The following COL17A1 variants were observed in gnomAD, a reference collection of about 807,000 sequenced individuals.
COL17A1 encodes the protein collagen alpha-1(XVII) chain.
COL17A1 carries 181 observed loss-of-function variants against 218.4 expected under a neutral mutation model. That is an observed-to-expected ratio of 0.83 (90% CI 0.73 to 0.94). The LOEUF (loss-of-function observed/expected upper bound fraction) is 0.94, where lower values mean the gene tolerates loss of function less well. Among genes scored for constraint, COL17A1 ranks in the 40% least tolerant of loss-of-function variants. The probability of loss-of-function intolerance (pLI) is 0.00; values close to 1 mark genes in which losing one functional copy is unlikely to be tolerated. For missense variants in COL17A1, 1,924 were observed against 1,945.9 expected, an observed-to-expected ratio of 0.99 and a Z score of 0.21; for synonymous variants, 721 against 731.0, an observed-to-expected ratio of 0.99 and a Z score of 0.22.
chr10:104,048,213 C>T (rs1164907922), intron 29 of COL17A1, 109 bp from the exon 30 acceptor site: 13 of 1,137,844 alleles, frequency 1.1e-5, no homozygotes, highest in Non-Finnish European at 1.7e-5. Context: ...GGAGCCCACG[C>T]AGCCATCAGC....
In COL17A1 at chr10:104,035,337, G is replaced by A. The variant is rs375511597; in HGVS notation, c.3545C>T (p.Pro1182Leu). Residue 1182 changes from proline to leucine, a missense_variant, in exon 50 of 56, where the codon CCC becomes CTC. Coordinates refer to ENST00000648076, the MANE Select transcript of COL17A1 (RefSeq NM_000494.4). ...GCCTGGGATCCCTGGTGGACCCGGG[G>A]GACCTGGGGGTCCAACGATGCCTCT... Reference protein sequence around the residue: ...EFRGIVGPPGPPGPPGIPGNV... With the variant: ...EFRGIVGPPGLPGPPGIPGNV... 9 of 1,614,102 alleles carry A rather than the reference G, an allele frequency of 5.6e-6. No homozygotes were observed. The highest frequency in any genetic ancestry group is 1.3e-5 in the African/African-American group (1 of 74,946).
intron 48 of COL17A1, among the ~76,000 whole-genome samples, chr10:104,036,077 AGTGTGTATGG>A (rs2086288837): frequency 2.2e-5 from 1 of 44,716 alleles, no homozygotes; most frequent in Non-Finnish European, 4.2e-5. Flanking sequence ...TGTGTATGGG[AGTGTGTATGG>A]GAGTGTGTGT....
chr10:104,038,352 G>T, intron 45 of COL17A1, 54 bp downstream of exon 45: 1 of 1,611,464 alleles, frequency 6.2e-7, no homozygotes. Flanking sequence ...CCCTTGCAAA[G>T]AGACTGTATC....
Position 104,036,480 on chromosome 10 carries a change from G to T in COL17A1, c.3418+12C>A. The T allele has an allele frequency of 6.2e-7, 1 of 1,613,774 alleles. No individual in the cohort carries two copies. On this transcript the variant is annotated intron_variant, in intron 48 of 55. Coordinates refer to ENST00000648076, the MANE Select transcript of COL17A1 (RefSeq NM_000494.4). ...CAGGCCCTTCCCAACCACCCCTCCT[G>T]CAGACACTTACTCGACATGTAGCTG... is the stretch of plus-strand genomic sequence containing the variant.
intron 35 of COL17A1, 152 bp from the exon 36 acceptor site, chr10:104,042,607 C>T (rs776889189): frequency 5.9e-5 from 46 of 783,350 alleles, no homozygotes; most frequent in Middle Eastern, 4.4e-4. Context: ...ATCAGCCCTG[C>T]GGTCCAGTTG....
chr10:104,042,313 A>C, intron 36 of COL17A1, 107 bp downstream of exon 36: 1 of 1,280,400 alleles, frequency 7.8e-7, no homozygotes, highest in East Asian at 2.4e-5. Context: ...TCCTTTTCCA[A>C]AACACACCTT....
chr10:104,032,932 C>T lies in COL17A1; in HGVS notation c.4331G>A (p.Gly1444Glu), dbSNP rs747206838. 2 of 1,614,130 alleles carry T rather than the reference C, an allele frequency of 1.2e-6. No homozygotes were observed. Among genetic ancestry groups the T allele is most frequent in the Non-Finnish European group, 1.7e-6 (2 of 1,180,012 alleles). ...TTTGGGTCCTGGAGTGCCCATCTCT[C>T]CTTTTTGCCCAGGGGGTCCTTGAAT... ...GAIQGPPGQK[G>E]EMGTPGPKGD... is the part of the protein sequence containing the mutation. The change falls in exon 54 of 56, where the codon GGA (glycine) becomes GAA (glutamate). Residue 1444 changes from glycine (G) to glutamate (E), a missense_variant. By Grantham distance (98) the Gly-to-Glu change is moderately conservative. Transcript: ENST00000648076.
intron 9 of COL17A1, among the ~76,000 whole-genome samples, chr10:104,068,723 C>A (rs805713): frequency 0.92 from 140,378 of 152,272 alleles, 65,344 homozygotes; most frequent in Non-Finnish European, 1. Flanking sequence ...TAGCCATAGG[C>A]AAAACTATAG....
At chr10:104,075,104 A>G (rs1444262478) in intron 5 of COL17A1, among the ~76,000 whole-genome samples, 2 of 151,568 alleles carry the variant, frequency 1.3e-5, no homozygotes, top group African/African-American at 4.9e-5. Context: ...CTTTCTCCTT[A>G]TTCCCTCCGC....
intron 44 of COL17A1, among the ~76,000 whole-genome samples, 184 bp downstream of exon 44, chr10:104,038,886 TC>T (rs1349795813): frequency 1.3e-5 from 2 of 152,086 alleles, no homozygotes; most frequent in Non-Finnish European, 2.9e-5. Flanking sequence ...CCTGGGTCCT[TC>T]CCCTCAACCC....
intron 46 of COL17A1, 69 bp from the exon 47 acceptor site, chr10:104,037,182 T>C: frequency 7.1e-7 from 1 of 1,415,134 alleles, no homozygotes; most frequent in Non-Finnish European, 9.8e-7. Flanking sequence ...TATTCCAGAA[T>C]CTGAAAGGCC....
At chr10:104,055,039 TG>T (rs747967665) in intron 19 of COL17A1, 32 bp from the exon 20 acceptor site, 8 of 1,613,692 alleles carry the variant, frequency 5.0e-6, no homozygotes, top group Non-Finnish European at 5.1e-6. Context: ...AACTGTGAGA[TG>T]GGGCAAGAAC....
intron 7 of COL17A1, 137 bp downstream of exon 7, chr10:104,073,073 A>C: frequency 1.2e-6 from 1 of 819,304 alleles, no homozygotes; most frequent in Non-Finnish European, 2.1e-6. Flanking sequence ...GGATACTCTA[A>C]GCTCCTCGAA....
chr10:104,043,835 G>C lies in COL17A1; in HGVS notation c.2424C>G (p.Ile808Met), dbSNP rs760954620. 2 of 1,614,112 alleles carry C rather than the reference G, an allele frequency of 1.2e-6. No individual in the cohort carries two copies. The highest frequency in any genetic ancestry group is 1.7e-6 in the Non-Finnish European group (2 of 1,180,022). The part of the protein sequence containing the change: ...IKGEPGAPGK[I>M]VTSEGSSMLT... ...CTAGGACCTGCCTACCCGAAGTCAC[G>C]ATCTTGCCTGGAGCTCCTGGTTCAC... Residue 808 changes from isoleucine to methionine, a missense_variant, in exon 34 of 56, where the codon ATC (isoleucine) becomes ATG (methionine). Transcript: ENST00000648076.
At chr10:104,041,564 A>T (rs758819405) in intron 36 of COL17A1, 26 bp from the exon 37 acceptor site, 1 of 1,604,308 alleles carries the variant, frequency 6.2e-7, no homozygotes, top group Non-Finnish European at 8.5e-7. Flanking sequence ...AATAGAAATG[A>T]GCAAAAGCTG....
chr10:104,041,132 C>A lies in COL17A1; in HGVS notation c.2648-14G>T, dbSNP rs957962854. On this transcript the variant is annotated splice_polypyrimidine_tract_variant and intron_variant, in intron 38 of 55. Transcript: ENST00000648076. Reference sequence around the variant, plus strand: ...GCAAACCCTCCCCTAGGAAAGAGAACCCCCAAGACTTATTAGTGCCAAGAG... The same window carrying A: ...GCAAACCCTCCCCTAGGAAAGAGAAACCCCAAGACTTATTAGTGCCAAGAG... 1 of 1,609,470 alleles carries A rather than the reference C, an allele frequency of 6.2e-7. No individual in the cohort carries two copies. Among genetic ancestry groups the A allele is most frequent in the Admixed American group, 1.7e-5 (1 of 59,698 alleles).
In COL17A1 at chr10:104,034,890, T is replaced by C. The variant is rs1589555449; in HGVS notation, c.3620-123A>G. On this transcript the variant is annotated intron_variant, in intron 50 of 55. Coordinates refer to ENST00000648076, the MANE Select transcript of COL17A1 (RefSeq NM_000494.4). ...AGGGGATGAGGCTGGGCCTCCCGGG[T>C]GATGGGAGGAGAGAAAAGCAGGAGG... 4.2e-6 allele frequency: 5 copies of C among 1,203,446 alleles called. No individual in the cohort carries two copies. The South Asian group carries it at 7.4e-5, about 18-fold the overall frequency. 74.5% of individuals were successfully genotyped at this position (1,203,446 alleles called of 1,614,324 possible). A position where few individuals can be genotyped will look rare whatever the true frequency, so the allele number is the denominator to read the frequency against.
chr10:104,061,232 A>G (rs1426412552), intron 13 of COL17A1, among the ~76,000 whole-genome samples, 173 bp downstream of exon 13: 1 of 152,146 alleles, frequency 6.6e-6, no homozygotes, highest in Non-Finnish European at 1.5e-5. Context: ...CACTCATGGA[A>G]ACATCCAAGA....
In COL17A1 at chr10:104,076,306, T is replaced by G. The variant is rs1402901883; in HGVS notation, c.326A>C (p.Tyr109Ser). Residue 109 changes from tyrosine to serine, a missense_variant, in exon 5 of 56, where the codon TAT becomes TCT. Transcript: ENST00000648076. ...ERKTHVTRHA[Y>S]EGSSSGNSSP... is the part of the protein sequence containing the mutation. ...ATGGTTAGTGGGACTGATACCTTCA[T>G]ACGCATGGCGGGTAACGTGAGTTTT... The G allele has an allele frequency of 1.2e-6, 2 of 1,614,088 alleles. No homozygotes were observed. The highest frequency in any genetic ancestry group is 1.7e-6 in the Non-Finnish European group (2 of 1,179,980).
Sources: allele counts gnomAD v4.1 joint callset (sites outside exome capture counted in the v4.1 genomes callset), GRCh38; gene constraint gnomAD v4.1.1; transcripts MANE v1.5; gene names NCBI Gene and HGNC (gene_info 2026-07-23, HGNC 2026-07-21).